Variants in PACSIN2 observed in about 807,000 individuals in gnomAD.
PACSIN2 encodes protein kinase C and casein kinase substrate in neurons 2.
In PACSIN2, 25 loss-of-function variants were observed where a neutral mutation model predicts 63.8. The observed-to-expected ratio is 0.39, with a 90% CI of 0.29 to 0.55. The LOEUF (loss-of-function observed/expected upper bound fraction) is 0.55, where lower values mean the gene tolerates loss of function less well. Among genes scored for constraint, PACSIN2 ranks in the 20% least tolerant of loss-of-function variants. The probability of loss-of-function intolerance (pLI) is 0.62; values close to 1 mark genes in which losing one functional copy is unlikely to be tolerated. For synonymous variants in PACSIN2, 255 were observed against 256.2 expected, an observed-to-expected ratio of 1.00 and a Z score of 0.05; for missense variants, 518 against 646.9, an observed-to-expected ratio of 0.80 and a Z score of 2.16.
chr22:42,945,850 G>A (rs1193520864), intron 1 of PACSIN2: 3 of 152,378 alleles, frequency 2.0e-5, no homozygotes, highest in Non-Finnish European at 4.4e-5. Flanking sequence ...CTCTACCATG[G>A]TGGTTGGAAT....
Position 42,893,519 on chromosome 22 carries a change from T to C in PACSIN2, c.155A>G (p.Glu52Gly). ...AGTGAGCTGCTGCGCATACGCCTTC[T>C]CGATGCGCGCCCGCTCATGCAGGCA... ...MNCLHERARI[E>G]KAYAQQLTEW... The change falls in exon 3 of 11, where the codon GAG (glutamate) becomes GGG (glycine). Residue 52 changes from glutamate (E) to glycine (G), a missense_variant. By Grantham distance (98) the Glu-to-Gly change is moderately conservative (BLOSUM62 -2). Around this residue, in one of 2 missense-constraint regions of PACSIN2, gnomAD observed 507 missense variants for 612.3 expected, o/e 0.83. Coordinates refer to ENST00000263246, the MANE Select transcript of PACSIN2 (RefSeq NM_001184970.3). 6.2e-7 allele frequency: 1 copy of C among 1,614,078 alleles called. No individual in the cohort carries two copies. The highest frequency in any genetic ancestry group is 8.5e-7 in the Non-Finnish European group (1 of 1,180,034).
chr22:42,911,975 T>C (rs1469793584), intron 2 of PACSIN2, 46 bp downstream of exon 2: 1 of 1,435,864 alleles, frequency 7.0e-7, no homozygotes, highest in South Asian at 1.2e-5. Context: ...TGCCAGACAC[T>C]ATTGGCCTGG....
At chr22:42,944,339 A>C (rs1379966221) in intron 1 of PACSIN2, among the ~76,000 whole-genome samples, 1 of 152,226 alleles carries the variant, frequency 6.6e-6, no homozygotes, top group Non-Finnish European at 1.5e-5. Context: ...TAATACAACA[A>C]ATTCCCATGC....
intron 1 of PACSIN2, among the ~76,000 whole-genome samples, chr22:42,917,183 A>T (rs1453130979): frequency 2.0e-5 from 3 of 152,232 alleles, no homozygotes; most frequent in Admixed American, 6.5e-5. Context: ...GGGCATACAA[A>T]GGGTTGGAGC....
At chr22:42,989,854 AG>A (rs1289346186) in intron 1 of PACSIN2, among the ~76,000 whole-genome samples, 23 of 118,626 alleles carry the variant, frequency 1.9e-4, no homozygotes, top group African/African-American at 9.2e-4. Flanking sequence ...ATTCTCTTGG[AG>A]GGGGAAAAAA....
intron 1 of PACSIN2, among the ~76,000 whole-genome samples, chr22:42,970,647 A>G (rs1921185835): frequency 6.6e-6 from 1 of 152,238 alleles, no homozygotes; most frequent in East Asian, 1.9e-4. Flanking sequence ...CGTCCTTTGC[A>G]AAAAGGAGTC....
intron 5 of PACSIN2, among the ~76,000 whole-genome samples, chr22:42,885,319 G>C (rs1026795574): frequency 2.6e-5 from 4 of 152,128 alleles, no homozygotes; most frequent in African/African-American, 9.7e-5. Context: ...CAGCATGCAG[G>C]GCCACCAGTT....
In PACSIN2 at chr22:42,992,321, G is replaced by A. The variant is rs986822701; in HGVS notation, c.-78+22700C>T. Among the ~76,000 whole-genome samples, 12 of 152,294 alleles carry A rather than the reference G, an allele frequency of 7.9e-5. 1 individual carries two copies. In the East Asian group the frequency reaches 1.2e-3, roughly 15 times the overall value. ...AACTAGAACCCAGTGCTGGTGATGC[G>A]CGCAAAGCACTTTGGAAAAGTTTGG... On this transcript the variant is annotated intron_variant, in intron 1 of 10. Transcript: ENST00000263246.
chr22:42,934,539 C>T (rs1166525558), intron 1 of PACSIN2, among the ~76,000 whole-genome samples: 1 of 152,266 alleles, frequency 6.6e-6, no homozygotes, highest in Non-Finnish European at 1.5e-5. Context: ...CCTTGCCCCT[C>T]ATGGGCTGGC....
rs1306538255 is a variant in PACSIN2, at chr22:42,876,197, G to A, written c.1288C>T (p.Arg430Ter). 6.2e-7 allele frequency: 1 copy of A among 1,614,072 alleles called. No individual in the cohort carries two copies. The highest frequency in any genetic ancestry group is 8.5e-7 in the Non-Finnish European group (1 of 1,180,036). The change falls in exon 10 of 11, where the codon CGA becomes TGA. Residue 430 changes from arginine to a stop codon, truncating the protein, a stop_gained. Coordinates refer to ENST00000263246, the MANE Select transcript of PACSIN2 (RefSeq NM_001184970.3). LOFTEE classifies it high-confidence loss of function. Reference protein sequence around the residue: ...DDDATSGTEVRVRALYDYEGQ... With the variant: ...DDDATSGTEV ...TCATAGTCATACAGGGCCCGGACTC[G>A]CACTTCCGTCCCCGAGGTGGCGTCG... is the stretch of plus-strand genomic sequence containing the variant.
intron 2 of PACSIN2, among the ~76,000 whole-genome samples, chr22:42,900,716 C>T (rs1449587990): frequency 1.3e-5 from 2 of 152,174 alleles, no homozygotes; most frequent in Non-Finnish European, 2.9e-5. Flanking sequence ...TCAAGCAATC[C>T]TCCCAACTTG....
intron 1 of PACSIN2, among the ~76,000 whole-genome samples, chr22:42,995,138 G>A (rs557051473): frequency 6.6e-6 from 1 of 152,366 alleles, no homozygotes; most frequent in South Asian, 2.1e-4. Context: ...ACACTGCAAC[G>A]TTTAACTCAC....
rs1932784828 is a variant in PACSIN2, at chr22:42,931,852, C to A, written c.-77-19695G>T. On this transcript the variant is annotated intron_variant, in intron 1 of 10. Transcript: ENST00000263246. Reference sequence around the variant, plus strand: ...AGCCCAGAAAATGTCACAAAACCCCCAATTGTAAGGAACACAGGTGGTATT... The same window carrying A: ...AGCCCAGAAAATGTCACAAAACCCCAAATTGTAAGGAACACAGGTGGTATT... Among the ~76,000 whole-genome samples the A allele has an allele frequency of 2.6e-5, 4 of 152,156 alleles. No individual in the cohort carries two copies. The South Asian group carries it at 8.3e-4, about 32-fold the overall frequency.
chr22:42,971,840 AG>A (rs1486105429), intron 1 of PACSIN2, among the ~76,000 whole-genome samples: 2 of 30,804 alleles, frequency 6.5e-5, no homozygotes, highest in African/African-American at 3.3e-4. Context: ...CCCGTCCGGG[AG>A]GGAGGTGGGG....
intron 1 of PACSIN2, among the ~76,000 whole-genome samples, chr22:42,992,188 A>T (rs1444719407): frequency 6.6e-6 from 1 of 152,226 alleles, no homozygotes; most frequent in Non-Finnish European, 1.5e-5. Context: ...CTTTTTCAAC[A>T]GGCAAGTGAT....
At chr22:42,882,585 TGTGTGGGCC>T (rs1001654425) in intron 6 of PACSIN2, among the ~76,000 whole-genome samples, 8 of 152,236 alleles carry the variant, frequency 5.3e-5, no homozygotes, top group Admixed American at 5.2e-4. Flanking sequence ...GCAGGTGGGC[TGTGTGGGCC>T]ACCACTCTGT....
At chr22:42,937,659 C>T (rs775156947) in intron 1 of PACSIN2, among the ~76,000 whole-genome samples, 10 of 152,164 alleles carry the variant, frequency 6.6e-5, no homozygotes, top group Non-Finnish European at 1.2e-4. Flanking sequence ...TACCACACCC[C>T]TTGCCTGGCC....
At chr22:42,994,226 G>T (rs145601109) in intron 1 of PACSIN2, among the ~76,000 whole-genome samples, 230 of 152,334 alleles carry the variant, frequency 1.5e-3, no homozygotes, top group Non-Finnish European at 2.7e-3. Context: ...TGGTTTGGTG[G>T]TAAGAAGGGC....
At chr22:42,930,341 G>A (rs981820366) in intron 1 of PACSIN2, among the ~76,000 whole-genome samples, 2 of 152,148 alleles carry the variant, frequency 1.3e-5, no homozygotes, top group African/African-American at 4.8e-5. Flanking sequence ...ACATGCAGCA[G>A]CACCAGGACC....
Sources: allele counts gnomAD v4.1 joint callset (sites outside exome capture counted in the v4.1 genomes callset), GRCh38; gene constraint gnomAD v4.1.1; regional missense constraint gnomAD v4.1.1; transcripts MANE v1.5; gene names NCBI Gene and HGNC (gene_info 2026-07-23, HGNC 2026-07-21).